The following RAI14 variants were observed in gnomAD, a reference collection of about 807,000 sequenced individuals.
The protein encoded by RAI14 is ankycorbin.
Under a neutral mutation model 115.4 loss-of-function variants are expected in RAI14, and 45 were observed. The observed-to-expected ratio is 0.39, with a 90% CI of 0.31 to 0.50. The LOEUF (loss-of-function observed/expected upper bound fraction) is 0.50, where lower values mean the gene tolerates loss of function less well. Among genes scored for constraint, RAI14 ranks in the 20% least tolerant of loss-of-function variants. The pLI is 0.85. For synonymous variants in RAI14, 371 were observed against 415.4 expected (o/e 0.89, Z 1.30); for missense variants, 939 against 1,131.2 (o/e 0.83, Z 2.44).
At chr5:34,695,803 CTTTTT>C (rs376091071) in intron 2 of RAI14, among the ~76,000 whole-genome samples, 1 of 128,966 alleles carries the variant, frequency 7.8e-6, no homozygotes, top group Admixed American at 8.1e-5. Context: ...AAGCACTTTC[CTTTTT>C]TTTTTTTTTT....
At chr5:34,711,602 C>G (rs115435322) in intron 2 of RAI14, among the ~76,000 whole-genome samples, 1 of 152,190 alleles carries the variant, frequency 6.6e-6, no homozygotes, top group Non-Finnish European at 1.5e-5. Flanking sequence ...GGGATGGAAC[C>G]CTCATGAATG....
chr5:34,823,174 A>G lies in RAI14; in HGVS notation c.1332A>G (p.Arg444=). Reference sequence around the variant, plus strand: ...AGATTTTGCAAGATCTACAGAAGAGATTAGAGAGCTCTGAAGCAGAGAGAA... The same window carrying G: ...AGATTTTGCAAGATCTACAGAAGAGGTTAGAGAGCTCTGAAGCAGAGAGAA... ...LQEILQDLQK[R]LESSEAERKQ... Residue 444 remains arginine, a synonymous_variant, in exon 15 of 18, where the codon AGA becomes AGG. Transcript: ENST00000265109. This position sits in a 1 kb window ranked among gnomAD's most constrained non-coding sequence, Gnocchi z 4.5. The G allele has an allele frequency of 1.9e-6, 3 of 1,613,662 alleles. No homozygotes were observed. The highest frequency in any genetic ancestry group is 1.7e-6 in the Non-Finnish European group (2 of 1,179,528).
chr5:34,811,887 A>C lies in RAI14; in HGVS notation c.678A>C (p.Lys226Asn), dbSNP rs1755646072. Residue 226 changes from lysine (K) to asparagine (N), a missense_variant, in exon 9 of 18, where the codon AAA becomes AAC. Lys to Asn is a moderately conservative substitution (Grantham distance 94). Transcript: ENST00000265109. ...SLGYNALHYSKLSENAGIQSL... is the reference protein window; with the variant it reads ...SLGYNALHYSNLSENAGIQSL... The stretch of plus-strand genomic sequence containing the variant: ...GATACAATGCCTTACATTATTCCAA[A>C]CTCTCAGAAAATGCAGGAATTCAAA... The C allele has an allele frequency of 6.2e-7, 1 of 1,613,212 alleles. No homozygotes were observed. Among genetic ancestry groups the C allele is most frequent in the Non-Finnish European group, 8.5e-7 (1 of 1,179,616 alleles).
Position 34,788,799 on chromosome 5 carries a change from G to A in RAI14, c.168-7140G>A, listed in dbSNP as rs1203079702. On this transcript the variant is annotated intron_variant, in intron 3 of 17. Transcript: ENST00000265109. Reference sequence around the variant, plus strand: ...AGCCTAGCCAACATGGTGAAACCCCGTCTCTGCAAAAACACAAAAATTAGC... The same window carrying A: ...AGCCTAGCCAACATGGTGAAACCCCATCTCTGCAAAAACACAAAAATTAGC... Among the ~76,000 whole-genome samples the A allele has an allele frequency of 3.3e-5, 5 of 151,832 alleles. No individual in the cohort carries two copies. The East Asian group carries it at 9.7e-4, about 29-fold the overall frequency.
chr5:34,810,431 G>A (rs1328300221), intron 7 of RAI14, among the ~76,000 whole-genome samples: 1 of 152,130 alleles, frequency 6.6e-6, no homozygotes, highest in Non-Finnish European at 1.5e-5. Flanking sequence ...CAAAGGGGTT[G>A]CAATTGTCAT....
chr5:34,688,537 TA>T (rs1164273675), intron 2 of RAI14, among the ~76,000 whole-genome samples: 7 of 152,090 alleles, frequency 4.6e-5, no homozygotes, highest in Non-Finnish European at 8.8e-5. Context: ...TTCCATGATT[TA>T]AAAAAATCCA....
chr5:34,709,464 A>G (rs2149958517), intron 2 of RAI14, among the ~76,000 whole-genome samples: 1 of 152,204 alleles, frequency 6.6e-6, no homozygotes, highest in East Asian at 1.9e-4. Flanking sequence ...AAAAAAGAAA[A>G]TCAGTTTTTA....
chr5:34,807,831 C>G lies in RAI14; in HGVS notation c.353C>G (p.Ser118Cys), dbSNP rs199535649. 1.1e-4 allele frequency: 181 copies of G among 1,611,406 alleles called. 1 individual carries two copies. In the East Asian group the frequency reaches 4.0e-3, roughly 36 times the overall value. ...SKCPAESVDS[S>C]GKTALHYAAA... ...TGCCCAGCCGAAAGTGTCGACAGCT[C>G]TGGGAAAACAGCTTTACATTATGCA... The change falls in exon 6 of 18, where the codon TCT becomes TGT. Residue 118 changes from serine (S) to cysteine (C), a missense_variant. Ser to Cys is a moderately radical substitution (Grantham distance 112). Coordinates refer to ENST00000265109, the MANE Select transcript of RAI14 (RefSeq NM_015577.3).
intron 3 of RAI14, among the ~76,000 whole-genome samples, chr5:34,786,523 A>T (rs1481398725): frequency 6.6e-6 from 1 of 151,756 alleles, no homozygotes; most frequent in African/African-American, 2.4e-5. Context: ...ACTTCATTAT[A>T]CTCTCCTCCT....
intron 3 of RAI14, among the ~76,000 whole-genome samples, chr5:34,781,968 C>G (rs1751700107): frequency 6.6e-6 from 1 of 152,124 alleles, no homozygotes; most frequent in Non-Finnish European, 1.5e-5. Flanking sequence ...AAAAGTATTC[C>G]TTATGGGAAA....
chr5:34,742,648 TTTG>T (rs892363826), intron 2 of RAI14, among the ~76,000 whole-genome samples: 38 of 151,656 alleles, frequency 2.5e-4, no homozygotes, highest in Non-Finnish European at 4.4e-5. Flanking sequence ...TTTGCTGTTT[TTTG>T]TTTTTTTTGT....
At chr5:34,817,484 C>T (rs563001611) in intron 12 of RAI14, among the ~76,000 whole-genome samples, 4 of 151,986 alleles carry the variant, frequency 2.6e-5, no homozygotes, top group East Asian at 3.9e-4. Flanking sequence ...CAGCCATCCA[C>T]TCATAGGTGT....
At chr5:34,696,225 G>A (rs1739213380) in intron 2 of RAI14, among the ~76,000 whole-genome samples, 1 of 152,060 alleles carries the variant, frequency 6.6e-6, no homozygotes, top group South Asian at 2.1e-4. Flanking sequence ...TGCAACCTCC[G>A]CCTCCCGGGT....
At chr5:34,785,496 C>T (rs1201979540) in intron 3 of RAI14, among the ~76,000 whole-genome samples, 1 of 152,044 alleles carries the variant, frequency 6.6e-6, no homozygotes, top group Non-Finnish European at 1.5e-5. Flanking sequence ...CCCAGGTTGT[C>T]CATTGGGCCC....
intron 3 of RAI14, among the ~76,000 whole-genome samples, chr5:34,769,883 T>C (rs909019201): frequency 7.9e-5 from 12 of 152,254 alleles, no homozygotes; most frequent in African/African-American, 9.6e-5. Context: ...TGTGCCACAA[T>C]ACTTAGCTAA....
rs769195048 is a variant in RAI14 at position 34,807,771 on chromosome 5, A to T, written c.322-29A>T. The T allele has an allele frequency of 2.7e-5, 41 of 1,539,886 alleles. No homozygotes were observed. In the Admixed American group the frequency reaches 6.8e-4, roughly 26 times the overall value. ...TAGAATTGGGGCAGGGTATTTTATT[A>T]TATGGATGTATTTATTTTTGTCTTA... On this transcript the variant is annotated intron_variant, in intron 5 of 17. Coordinates refer to ENST00000265109, the MANE Select transcript of RAI14 (RefSeq NM_015577.3).
chr5:34,794,651 C>T (rs1753296985), intron 3 of RAI14, among the ~76,000 whole-genome samples: 1 of 152,132 alleles, frequency 6.6e-6, no homozygotes, highest in African/African-American at 2.4e-5. Context: ...TGATCCCCAG[C>T]CTTTACAATG....
chr5:34,713,962 G>A (rs1483281540), intron 2 of RAI14, among the ~76,000 whole-genome samples: 1 of 151,980 alleles, frequency 6.6e-6, no homozygotes, highest in Admixed American at 6.6e-5. Flanking sequence ...GTGCCACCAC[G>A]CCTGGCTAAT....
At position 34,824,099 on chromosome 5, in the gene RAI14, A is replaced by G; in HGVS notation, c.2257A>G (p.Asn753Asp). The G allele has an allele frequency of 6.2e-7, 1 of 1,614,188 alleles. No homozygotes were observed. The highest frequency in any genetic ancestry group is 1.6e-4 in the Middle Eastern group (1 of 6,062). ...AAAAGAGATGGAAGAAAAAATAAGC[A>G]ATCTTAAGGAACACCTTGCAAGCAA... is the stretch of plus-strand genomic sequence containing the variant. ...AAKEMEEKIS[N>D]LKEHLASKEV... The change falls in exon 15 of 18, where the codon AAT becomes GAT. Residue 753 changes from asparagine to aspartate, a missense_variant. Asn to Asp is a conservative substitution (Grantham distance 23). Transcript: ENST00000265109.
Sources: allele counts gnomAD v4.1 joint callset (sites outside exome capture counted in the v4.1 genomes callset), GRCh38; gene constraint gnomAD v4.1.1; non-coding constraint Gnocchi (gnomAD v3.1); transcripts MANE v1.5; gene names NCBI Gene and HGNC (gene_info 2026-07-23, HGNC 2026-07-21).